Variants in PCDHGA9 observed in about 807,000 individuals in gnomAD.
The protein encoded by PCDHGA9 is protocadherin gamma subfamily A, 9, also known as protocadherin gamma-A9.
A neutral mutation model predicts 62.5 loss-of-function variants in PCDHGA9; 37 were observed. The ratio of observed to expected loss-of-function variants is 0.59; its 90% CI spans 0.46 to 0.78. The LOEUF (loss-of-function observed/expected upper bound fraction) is 0.78, where lower values mean the gene tolerates loss of function less well. PCDHGA9 is among the 30% of genes least tolerant of loss of function. The pLI is 0.00. For missense variants in PCDHGA9, 1,138 were observed against 1,166.2 expected, an observed-to-expected ratio of 0.98 and a Z score of 0.35; for synonymous variants, 459 against 484.6, an observed-to-expected ratio of 0.95 and a Z score of 0.69.
Position 141,403,041 on chromosome 5 carries a change from A to T in PCDHGA9, c.89A>T (p.Gln30Leu). 1 of 1,614,084 alleles carries T rather than the reference A, an allele frequency of 6.2e-7. No individual in the cohort carries two copies. Among genetic ancestry groups the T allele is most frequent in the Non-Finnish European group, 8.5e-7 (1 of 1,179,910 alleles). Residue 30 changes from glutamine (Q) to leucine (L), a missense_variant, in exon 1 of 4, where the codon CAG becomes CTG. Transcript: ENST00000573521. Reference sequence around the variant, plus strand: ...ATGCTATGGGAGGCCAGGGCCAGTCAGATTCGCTACTCAGTGCCTGAAGAG... The same window carrying T: ...ATGCTATGGGAGGCCAGGGCCAGTCTGATTCGCTACTCAGTGCCTGAAGAG... ...LGMLWEARASQIRYSVPEETE... is the reference protein window; with the variant it reads ...LGMLWEARASLIRYSVPEETE...
chr5:141,454,956 G>A (rs62379171), intron 1 of PCDHGA9, among the ~76,000 whole-genome samples: 5,077 of 149,940 alleles, frequency 0.034, 97 homozygotes, highest in Middle Eastern at 0.091. Context: ...TACAGGCGCC[G>A]GCCACCACGC....
chr5:141,418,990 G>A (rs1029969170), intron 1 of PCDHGA9: 1 of 1,613,784 alleles, frequency 6.2e-7, no homozygotes, highest in African/African-American at 1.3e-5. Flanking sequence ...AAGACTCAGG[G>A]GAAAATGGGG....
At position 141,432,759 on chromosome 5, in the gene PCDHGA9, G is replaced by T. The variant is rs768949018; in HGVS notation, c.2424+27383G>T. On this transcript the variant is annotated intron_variant, in intron 1 of 3. Transcript: ENST00000573521. The surrounding 1 kb of genome is among the most constrained non-coding windows in gnomAD (Gnocchi z 6.0). ...ACGCTCACCGTGGCCGTGGCCGACA[G>T]CATCCCCCAAGTCCTGGCGGACCTC... is the stretch of plus-strand genomic sequence containing the variant. The T allele has an allele frequency of 6.2e-6, 10 of 1,614,032 alleles. No homozygotes were observed. The highest frequency in any genetic ancestry group is 7.6e-6 in the Non-Finnish European group (9 of 1,180,014).
chr5:141,501,447 A>G (rs1483189279), intron 2 of PCDHGA9, among the ~76,000 whole-genome samples: 1 of 151,816 alleles, frequency 6.6e-6, no homozygotes, highest in Middle Eastern at 3.2e-3. Flanking sequence ...TTCCATTTTT[A>G]CTTTTCACTA....
chr5:141,428,188 G>A (rs1023078587), intron 1 of PCDHGA9: 3 of 1,433,350 alleles, frequency 2.1e-6, no homozygotes, highest in Admixed American at 1.8e-5. Flanking sequence ...GACAGCCGCC[G>A]CTCTCTGCGC....
At chr5:141,471,660 A>G (rs1010236543) in intron 1 of PCDHGA9, 12 of 152,184 alleles carry the variant, frequency 7.9e-5, no homozygotes, top group Non-Finnish European at 1.8e-4. Flanking sequence ...GTGGGGATGC[A>G]GAAAAAAATA....
chr5:141,464,769 T>C (rs2154568595), intron 1 of PCDHGA9, among the ~76,000 whole-genome samples: 1 of 152,328 alleles, frequency 6.6e-6, no homozygotes. Flanking sequence ...ACAGGAATCT[T>C]GTTCTGTTGC....
At position 141,491,660 on chromosome 5, in the gene PCDHGA9, C is replaced by A; in HGVS notation, c.2425-3147C>A. ...ACAGCTCTGGCGCTGGAGCCTGACGCCATCCGGTCCCGCTCTAATACGCTG... is the reference window on the plus strand; with the variant it reads ...ACAGCTCTGGCGCTGGAGCCTGACGACATCCGGTCCCGCTCTAATACGCTG... On this transcript the variant is annotated intron_variant, in intron 1 of 3. Transcript: ENST00000573521. The surrounding 1 kb of genome is among the most constrained non-coding windows in gnomAD (Gnocchi z 6.9). The A allele has an allele frequency of 6.2e-7, 1 of 1,613,810 alleles. No individual in the cohort carries two copies. The highest frequency in any genetic ancestry group is 8.5e-7 in the Non-Finnish European group (1 of 1,180,008).
rs958652662 is a variant in PCDHGA9, at chr5:141,494,839, T to C, written c.2457T>C (p.Ser819=). 6.2e-7 allele frequency: 1 copy of C among 1,614,106 alleles called. No individual in the cohort carries two copies. Among genetic ancestry groups the C allele is most frequent in the Non-Finnish European group, 8.5e-7 (1 of 1,180,016 alleles). ...QAPPNTDWRF[S]QAQRPGTSGS... ...CGCCCAACACGGACTGGCGTTTCTC[T>C]CAGGCCCAGAGACCCGGCACCAGCG... The change falls in exon 2 of 4, where the codon TCT becomes TCC. Residue 819 remains serine (S), a synonymous_variant. Coordinates refer to ENST00000573521, the MANE Select transcript of PCDHGA9 (RefSeq NM_018921.3).
At chr5:141,409,821 C>T in intron 1 of PCDHGA9, 1 of 1,610,940 alleles carries the variant, frequency 6.2e-7, no homozygotes, top group Non-Finnish European at 8.5e-7. Flanking sequence ...CACGGCTCGC[C>T]CACGCTCAGC....
At chr5:141,484,501 A>G (rs1185523120) in intron 1 of PCDHGA9, among the ~76,000 whole-genome samples, 2 of 152,232 alleles carry the variant, frequency 1.3e-5, no homozygotes, top group African/African-American at 4.8e-5. Flanking sequence ...GTTTCTGAAT[A>G]TTCTGCAGAA....
Position 141,490,900 on chromosome 5 carries a change from G to A in PCDHGA9, c.2425-3907G>A, listed in dbSNP as rs2099705863. 2 of 1,613,796 alleles carry A rather than the reference G, an allele frequency of 1.2e-6. No individual in the cohort carries two copies. The highest frequency in any genetic ancestry group is 2.7e-5 in the African/African-American group (2 of 75,050). ...TGCCAACACATCTCTGCATGTGTTT[G>A]TCCTAGACGAGAATGATAATGCCCC... On this transcript the variant is annotated intron_variant, in intron 1 of 3. Transcript: ENST00000573521. The surrounding 1 kb of genome is among the most constrained non-coding windows in gnomAD (Gnocchi z 5.4).
rs200545713 is a variant in PCDHGA9 at position 141,422,296 on chromosome 5, A to G, written c.2424+16920A>G. 133 of 1,550,704 alleles carry G rather than the reference A, an allele frequency of 8.6e-5. 1 individual carries two copies. The Admixed American group carries it at 2.1e-3, about 25-fold the overall frequency. ...AACTATCACCTCTTCTATTAATTCAATTCTGGAAAACTCTCCTCCAGGTAC... is the reference window on the plus strand; with the variant it reads ...AACTATCACCTCTTCTATTAATTCAGTTCTGGAAAACTCTCCTCCAGGTAC... On this transcript the variant is annotated intron_variant, in intron 1 of 3. Transcript: ENST00000573521.
chr5:141,409,480 C>A, intron 1 of PCDHGA9: 1 of 1,614,002 alleles, frequency 6.2e-7, no homozygotes, highest in Non-Finnish European at 8.5e-7. Flanking sequence ...TAGCCACTGA[C>A]AGGGGCAAGC....
At chr5:141,429,240 TGA>T (rs998506084) in intron 1 of PCDHGA9, 1 of 151,858 alleles carries the variant, frequency 6.6e-6, no homozygotes, top group Non-Finnish European at 1.5e-5. Context: ...CTGCTGTCAT[TGA>T]GATATTTTAA....
intron 1 of PCDHGA9, chr5:141,415,268 T>C: frequency 6.2e-7 from 1 of 1,614,174 alleles, no homozygotes; most frequent in Non-Finnish European, 8.5e-7. Flanking sequence ...CTGTACCTGG[T>C]GGTAGCGGTG....
At chr5:141,419,024 G>A (rs1423033793) in intron 1 of PCDHGA9, 2 of 1,613,874 alleles carry the variant, frequency 1.2e-6, no homozygotes, top group Admixed American at 1.7e-5. Flanking sequence ...CTTAAGTAGA[G>A]GTGTTCCATT....
At chr5:141,415,725 T>A in intron 1 of PCDHGA9, 1 of 1,437,122 alleles carries the variant, frequency 7.0e-7, no homozygotes, top group Non-Finnish European at 9.2e-7. Context: ...TGAGTAGAAT[T>A]TGATGTTTAT....
intron 1 of PCDHGA9, among the ~76,000 whole-genome samples, chr5:141,456,584 A>G (rs990911693): frequency 6.6e-6 from 1 of 152,212 alleles, no homozygotes; most frequent in Non-Finnish European, 1.5e-5. Flanking sequence ...TGAGCCTGTC[A>G]ATAATTTTGA....
Sources: allele counts gnomAD v4.1 joint callset (sites outside exome capture counted in the v4.1 genomes callset), GRCh38; gene constraint gnomAD v4.1.1; non-coding constraint Gnocchi (gnomAD v3.1); transcripts MANE v1.5; gene names NCBI Gene and HGNC (gene_info 2026-07-23, HGNC 2026-07-21).